The following BLNK variants were observed in gnomAD, a reference collection of about 807,000 sequenced individuals.
BLNK encodes B-cell linker protein.
In BLNK, 29 loss-of-function variants were observed where a neutral mutation model predicts 73.5. The ratio of observed to expected loss-of-function variants is 0.39; its 90% CI spans 0.29 to 0.54. The LOEUF (loss-of-function observed/expected upper bound fraction) is 0.54. BLNK is among the 20% of genes least tolerant of loss of function. The probability of loss-of-function intolerance (pLI) is 0.61; values close to 1 mark genes in which losing one functional copy is unlikely to be tolerated. For synonymous variants in BLNK, 176 were observed against 200.8 expected (o/e 0.88, Z 1.04); for missense variants, 460 against 562.8 (o/e 0.82, Z 1.85).
intron 15 of BLNK, among the ~76,000 whole-genome samples, chr10:96,199,244 GGGA>G (rs782475404): frequency 7.2e-5 from 11 of 152,186 alleles, no homozygotes; most frequent in Non-Finnish European, 1.5e-4. Context: ...AAAAGAAAAT[GGGA>G]GGAGAAGAGA....
chr10:96,253,328 C>G (rs1192942687), intron 1 of BLNK, among the ~76,000 whole-genome samples: 26 of 152,140 alleles, frequency 1.7e-4, no homozygotes, highest in Non-Finnish European at 1.5e-4. Flanking sequence ...GAATCAGGAC[C>G]CCTCAGCTTG....
chr10:96,194,768 A>ATTTTTTTT (rs71034364), intron 16 of BLNK, among the ~76,000 whole-genome samples: 3,201 of 110,114 alleles, frequency 0.029, 169 homozygotes, highest in Middle Eastern at 0.073. Flanking sequence ...AGAAATGCAA[A>ATTTTTTTT]TTTTTTTTTT....
chr10:96,203,296 TA>T (rs2083700089), intron 13 of BLNK, among the ~76,000 whole-genome samples: 1 of 152,204 alleles, frequency 6.6e-6, no homozygotes, highest in Non-Finnish European at 1.5e-5. Flanking sequence ...GAATTTTTTT[TA>T]AAAACTAGTA....
chr10:96,270,077 T>C (rs75695385), intron 1 of BLNK, among the ~76,000 whole-genome samples: 2,676 of 152,264 alleles, frequency 0.018, 80 homozygotes, highest in African/African-American at 0.06. Context: ...GTGTAGCTAT[T>C]TGAGACCAAG....
At chr10:96,199,831 C>A (rs2083581217) in intron 15 of BLNK, 1 of 247,542 alleles carries the variant, frequency 4.0e-6, no homozygotes, top group African/African-American at 2.3e-5. Flanking sequence ...CGAGAGCAGC[C>A]TGGCCAACAT....
intron 1 of BLNK, among the ~76,000 whole-genome samples, chr10:96,264,585 A>G (rs1242359941): frequency 7.2e-5 from 11 of 152,022 alleles, no homozygotes; most frequent in Admixed American, 7.2e-4. Flanking sequence ...TTAAAGAGTT[A>G]TTTTGGAGGG....
At chr10:96,248,876 G>A (rs1310918633) in intron 1 of BLNK, among the ~76,000 whole-genome samples, 1 of 152,098 alleles carries the variant, frequency 6.6e-6, no homozygotes, top group African/African-American at 2.4e-5. Flanking sequence ...ACTTTATGAT[G>A]TTTTAAAATA....
intron 11 of BLNK, among the ~76,000 whole-genome samples, chr10:96,206,750 G>A (rs1486151491): frequency 1.3e-5 from 2 of 152,170 alleles, no homozygotes; most frequent in Non-Finnish European, 2.9e-5. Flanking sequence ...ATTTATGTAA[G>A]GTCCTAGCAC....
At chr10:96,225,534 T>C (rs894594066) in intron 5 of BLNK, among the ~76,000 whole-genome samples, 2 of 152,220 alleles carry the variant, frequency 1.3e-5, no homozygotes, top group Non-Finnish European at 2.9e-5. Context: ...GTCAGTTTTA[T>C]TTGCAGCTCC....
intron 2 of BLNK, among the ~76,000 whole-genome samples, chr10:96,243,629 C>A (rs1554906837): frequency 1.3e-5 from 2 of 152,144 alleles, no homozygotes; most frequent in African/African-American, 4.8e-5. Context: ...TAGTATTCAA[C>A]TTGTTTTAAG....
chr10:96,240,794 T>C (rs1409152657), intron 3 of BLNK, among the ~76,000 whole-genome samples: 1 of 152,098 alleles, frequency 6.6e-6, no homozygotes, highest in East Asian at 1.9e-4. Context: ...ACCTCTGGGG[T>C]TCCTTTTAAA....
intron 1 of BLNK, among the ~76,000 whole-genome samples, chr10:96,251,984 C>A (rs1481202876): frequency 6.6e-6 from 1 of 152,178 alleles, no homozygotes; most frequent in African/African-American, 2.4e-5. Flanking sequence ...GGCTGGGCCT[C>A]ACCCCTGGAG....
intron 3 of BLNK, among the ~76,000 whole-genome samples, chr10:96,234,860 G>A (rs1842640073): frequency 6.6e-6 from 1 of 152,204 alleles, no homozygotes; most frequent in South Asian, 2.1e-4. Flanking sequence ...CTTCATGTGG[G>A]CCAGGTGGAT....
intron 3 of BLNK, among the ~76,000 whole-genome samples, chr10:96,236,508 G>A (rs192376274): frequency 5.3e-5 from 8 of 152,272 alleles, no homozygotes; most frequent in Non-Finnish European, 7.4e-5. Flanking sequence ...GGCTGAGAGA[G>A]GTGTTCTGAG....
chr10:96,230,894 C>A (rs587759277), intron 3 of BLNK, 60 bp from the exon 4 acceptor site: 2 of 1,570,018 alleles, frequency 1.3e-6, no homozygotes, highest in East Asian at 2.3e-5. Context: ...CCAGCCCCAG[C>A]CCATCCACAC....
At chr10:96,244,831 T>C (rs1842991418) in intron 2 of BLNK, among the ~76,000 whole-genome samples, 1 of 152,130 alleles carries the variant, frequency 6.6e-6, no homozygotes, top group African/African-American at 2.4e-5. Context: ...TGACTGGCTA[T>C]GGAATAGAGA....
At chr10:96,212,291 T>G (rs2083966927) in intron 8 of BLNK, among the ~76,000 whole-genome samples, 1 of 152,144 alleles carries the variant, frequency 6.6e-6, no homozygotes, top group Non-Finnish European at 1.5e-5. Flanking sequence ...CCTGATAATA[T>G]CTGCCAGAAT....
At chr10:96,269,138 G>A (rs1844152207) in intron 1 of BLNK, among the ~76,000 whole-genome samples, 1 of 152,164 alleles carries the variant, frequency 6.6e-6, no homozygotes, top group South Asian at 2.1e-4. Context: ...ACAACAGGAT[G>A]ATTCTATAAA....
chr10:96,227,678 G>A, intron 4 of BLNK, 112 bp from the exon 5 acceptor site: 10 of 1,536,846 alleles, frequency 6.5e-6, no homozygotes, highest in Non-Finnish European at 8.9e-6. Context: ...AAGGCTTGGA[G>A]AGGTTGACTT....
Sources: gnomAD v4.1 joint callset for allele counts (sites outside exome capture counted in the v4.1 genomes callset) on GRCh38, gnomAD v4.1.1 for gene constraint, MANE v1.5 for transcripts, NCBI Gene and HGNC (gene_info 2026-07-23, HGNC 2026-07-21) for gene names.